RALGDS: variants seen among roughly 807,000 people sequenced by gnomAD.
RALGDS encodes the protein ral guanine nucleotide exchange factor.
RALGDS carries 44 observed loss-of-function variants against 99.8 expected under a neutral mutation model. The ratio of observed to expected loss-of-function variants is 0.44; its 90% CI spans 0.35 to 0.57. RALGDS has a LOEUF of 0.57. RALGDS is among the 20% of genes least tolerant of loss of function. The probability of loss-of-function intolerance (pLI) is 0.01; values close to 1 mark genes in which losing one functional copy is unlikely to be tolerated. For synonymous variants in RALGDS, 529 were observed against 505.0 expected (o/e 1.05, Z -0.64); for missense variants, 1,022 against 1,203.1 (o/e 0.85, Z 2.23).
At chr9:133,135,502 C>T (rs764268663), upstream of RALGDS, among the ~76,000 whole-genome samples, 10 of 152,206 alleles carry the variant, frequency 6.6e-5, no homozygotes, top group Admixed American at 1.3e-4. Flanking sequence ...CCCAGCAGGA[C>T]CCAGCCCTGC....
In RALGDS at chr9:133,108,028, G is replaced by A. The variant is rs1190659229; in HGVS notation, c.1157C>T (p.Pro386Leu). The A allele has an allele frequency of 1.9e-6, 3 of 1,613,498 alleles. No individual in the cohort carries two copies. The highest frequency in any genetic ancestry group is 1.3e-5 in the African/African-American group (1 of 75,076). Residue 386 changes from proline to leucine, a missense_variant, in exon 6 of 18, where the codon CCT becomes CTT. Coordinates refer to ENST00000372050, the MANE Select transcript of RALGDS (RefSeq NM_006266.4). ...SEEKPHLLVF[P>L]PDLVAEQFTL... Reference sequence around the variant, plus strand: ...AAACTGCTCTGCCACCAGATCTGGAGGGAACACCAAGAGGTGAGGCTTCTC... The same window carrying A: ...AAACTGCTCTGCCACCAGATCTGGAAGGAACACCAAGAGGTGAGGCTTCTC...
chr9:133,123,650 C>G (rs543902248), upstream of RALGDS, among the ~76,000 whole-genome samples: 35 of 152,318 alleles, frequency 2.3e-4, no homozygotes, highest in African/African-American at 8.2e-4. Context: ...TTCTGGGAAG[C>G]CTGATCACTG....
intron 1 of RALGDS, among the ~76,000 whole-genome samples, chr9:133,118,020 A>G (rs1197781704): frequency 6.6e-6 from 1 of 152,196 alleles, no homozygotes; most frequent in Non-Finnish European, 1.5e-5. Flanking sequence ...CCTCCCGGGA[A>G]ACAGGCCAGC....
chr9:133,139,402 C>G (rs997317210), intron 1 of RALGDS, among the ~76,000 whole-genome samples: 1 of 152,212 alleles, frequency 6.6e-6, no homozygotes, highest in Admixed American at 6.5e-5. Flanking sequence ...TTCGAGGGGG[C>G]AGGGGGACCA....
intron 1 of RALGDS, among the ~76,000 whole-genome samples, chr9:133,146,296 T>G (rs925518817): frequency 6.6e-6 from 1 of 152,182 alleles, no homozygotes; most frequent in Non-Finnish European, 1.5e-5. Context: ...CAAGTGATTT[T>G]CCTGCCTCAG....
At chr9:133,104,816 C>A (rs77685351) in intron 9 of RALGDS, among the ~76,000 whole-genome samples, 5,613 of 152,170 alleles carry the variant, frequency 0.037, 346 homozygotes, top group African/African-American at 0.13. Context: ...CTTCTCTAAA[C>A]AAATAAAAAA....
intron 1 of RALGDS, among the ~76,000 whole-genome samples, chr9:133,141,344 C>T (rs896392827): frequency 6.6e-6 from 1 of 152,222 alleles, no homozygotes; most frequent in Admixed American, 6.5e-5. Flanking sequence ...GGCTCCACCT[C>T]GCTCCTTCCA....
At chr9:133,140,288 AC>A (rs2119269048) in intron 1 of RALGDS, among the ~76,000 whole-genome samples, 1 of 121,484 alleles carries the variant, frequency 8.2e-6, no homozygotes, top group Non-Finnish European at 1.7e-5. Flanking sequence ...GCACCCCCCC[AC>A]ACACACATCT....
At chr9:133,142,853 G>A (rs918662635) in intron 1 of RALGDS, among the ~76,000 whole-genome samples, 3 of 152,204 alleles carry the variant, frequency 2.0e-5, no homozygotes, top group South Asian at 2.1e-4. Flanking sequence ...AGCCCTGACC[G>A]TTGGAAGGCC....
At chr9:133,103,884 C>T (rs751121521) in intron 10 of RALGDS, 51 bp from the exon 11 acceptor site, 6 of 1,558,352 alleles carry the variant, frequency 3.9e-6, no homozygotes, top group Non-Finnish European at 5.3e-6. Context: ...TGAAGGCTTT[C>T]TCAGCCCCCA....
chr9:133,119,695 C>T (rs575316152), intron 1 of RALGDS, among the ~76,000 whole-genome samples: 1 of 151,970 alleles, frequency 6.6e-6, no homozygotes, highest in East Asian at 1.9e-4. Flanking sequence ...TCCCAGGGGT[C>T]CCTCTCCAGC....
chr9:133,117,325 A>G (rs1042888561), intron 1 of RALGDS, among the ~76,000 whole-genome samples: 90 of 152,302 alleles, frequency 5.9e-4, no homozygotes, highest in Admixed American at 1.8e-3. Flanking sequence ...TACATCTGCT[A>G]GGGGGCTGAG....
intron 16 of RALGDS, chr9:133,100,987 C>T: frequency 9.5e-7 from 1 of 1,053,914 alleles, no homozygotes; most frequent in Middle Eastern, 4.6e-4. Context: ...TCATCTGTCG[C>T]AGGACACCTG....
At chr9:133,138,844 A>G (rs941487156) in intron 1 of RALGDS, among the ~76,000 whole-genome samples, 1 of 152,174 alleles carries the variant, frequency 6.6e-6, no homozygotes, top group African/African-American at 2.4e-5. Flanking sequence ...CGTGTTAGCC[A>G]GGCTGGCCTC....
chr9:133,123,489 G>A (rs1372499968), upstream of RALGDS, among the ~76,000 whole-genome samples: 2 of 152,190 alleles, frequency 1.3e-5, no homozygotes, highest in South Asian at 2.1e-4. Context: ...CCCCCAACGC[G>A]GCTGGCCTGG....
intron 16 of RALGDS, 59 bp from the exon 17 acceptor site, chr9:133,100,441 G>A (rs756775773): frequency 6.2e-7 from 1 of 1,609,434 alleles, no homozygotes; most frequent in Non-Finnish European, 8.5e-7. Context: ...CTCCCCCAGA[G>A]TGCAGTGGCC....
At chr9:133,108,431 A>G (rs763531073) in intron 5 of RALGDS, 25 bp from the exon 6 acceptor site, 2 of 1,530,060 alleles carry the variant, frequency 1.3e-6, no homozygotes, top group African/African-American at 2.7e-5. Flanking sequence ...AAGTTCAACA[A>G]CATGCCAGCC....
chr9:133,098,848 C>T (rs1830615018), intron 17 of RALGDS, 86 bp from the exon 18 acceptor site: 1 of 1,379,356 alleles, frequency 7.2e-7, no homozygotes, highest in Non-Finnish European at 1.0e-6. Flanking sequence ...CATACAAGGA[C>T]TGTCTTGAGC....
upstream of RALGDS, among the ~76,000 whole-genome samples, chr9:133,123,619 C>G (rs1242591991): frequency 2.0e-5 from 3 of 152,244 alleles, no homozygotes; most frequent in Non-Finnish European, 4.4e-5. Context: ...GTTCCCCTAC[C>G]TTTGGGACTC....
Sources: gnomAD v4.1 joint callset for allele counts (sites outside exome capture counted in the v4.1 genomes callset) on GRCh38, gnomAD v4.1.1 for gene constraint, MANE v1.5 for transcripts, NCBI Gene and HGNC (gene_info 2026-07-23, HGNC 2026-07-21) for gene names.